ZNF106: variants seen among roughly 807,000 people sequenced by gnomAD.
ZNF106 encodes the protein SH3-domain binding protein 3.
In ZNF106, 67 loss-of-function variants were observed where a neutral mutation model predicts 195.1. The observed-to-expected ratio is 0.34, with a 90% CI of 0.28 to 0.42. The LOEUF (loss-of-function observed/expected upper bound fraction) is 0.42. Among genes scored for constraint, ZNF106 ranks in the 10% least tolerant of loss-of-function variants. The pLI is 1.00. For missense variants in ZNF106, 2,118 were observed against 2,304.5 expected (o/e 0.92, Z 1.66); for synonymous variants, 784 against 818.6 (o/e 0.96, Z 0.72).
intron 12 of ZNF106, 151 bp downstream of exon 12, chr15:42,438,461 A>T: frequency 1.5e-6 from 1 of 662,326 alleles, no homozygotes; most frequent in South Asian, 2.1e-5. Flanking sequence ...TAAGAATATC[A>T]GAACTGTTGA....
At position 42,451,324 on chromosome 15, in the gene ZNF106, T is replaced by A; in HGVS notation, c.948A>T (p.Thr316=). The change falls in exon 5 of 22, where the codon ACA becomes ACT. Residue 316 remains threonine, a synonymous_variant. Coordinates refer to ENST00000564754, the MANE Select transcript of ZNF106 (RefSeq NM_001366845.3). ...QENDKLGTVA[T]YRGPSEGFTS... is the part of the protein sequence containing the mutation. ...TAAATCCTTCAGAAGGACCTCTATA[T>A]GTGGCAACTGTACCAAGTTTGTCAT... 6.2e-7 allele frequency: 1 copy of A among 1,614,072 alleles called. No homozygotes were observed. Among genetic ancestry groups the A allele is most frequent in the Non-Finnish European group, 8.5e-7 (1 of 1,179,926 alleles).
chr15:42,464,233 A>G (rs557411512), intron 3 of ZNF106, among the ~76,000 whole-genome samples: 4 of 147,434 alleles, frequency 2.7e-5, no homozygotes, highest in African/African-American at 9.7e-5. Flanking sequence ...CCAGCTACTC[A>G]GGAGGGTGAA....
Position 42,424,790 on chromosome 15 carries a change from T to C in ZNF106, c.5190+44A>G, listed in dbSNP as rs150755612. 4.4e-6 allele frequency: 7 copies of C among 1,582,514 alleles called. No individual in the cohort carries two copies. The East Asian group carries it at 1.6e-4, about 36-fold the overall frequency. On this transcript the variant is annotated intron_variant, in intron 16 of 21. Coordinates refer to ENST00000564754, the MANE Select transcript of ZNF106 (RefSeq NM_001366845.3). ...CCACCTCGCCTGGCCTCAAAACCCT[T>C]CTATTTGTGCCAGACAACTCCGATT...
rs2054766211 is a variant in ZNF106, at chr15:42,424,064, A to T, written c.5191-4T>A. The T allele has an allele frequency of 2.5e-6, 4 of 1,611,780 alleles. No homozygotes were observed. The highest frequency in any genetic ancestry group is 3.4e-6 in the Non-Finnish European group (4 of 1,179,358). On this transcript the variant is annotated splice_polypyrimidine_tract_variant and splice_region_variant and intron_variant, in intron 16 of 21. Transcript: ENST00000564754. The stretch of plus-strand genomic sequence containing the variant: ...TGAACACGAGATCATTCACCACCTT[A>T]AAGAAAAAATTAAACAAGTCAGATT...
chr15:42,469,863 A>AAAAAAAAAG, intron 2 of ZNF106, among the ~76,000 whole-genome samples: 1 of 151,540 alleles, frequency 6.6e-6, no homozygotes, highest in African/African-American at 2.4e-5. Context: ...AACAACAAAA[A>AAAAAAAAAG]AAAAAAAAGA....
At chr15:42,456,312 TGGA>T (rs1297047605) in intron 4 of ZNF106, among the ~76,000 whole-genome samples, 1 of 152,204 alleles carries the variant, frequency 6.6e-6, no homozygotes, top group East Asian at 1.9e-4. Flanking sequence ...ACCTTTCCAC[TGGA>T]AAATTTAAAC....
At chr15:42,487,343 C>A (rs2057039544) in intron 1 of ZNF106, among the ~76,000 whole-genome samples, 1 of 151,574 alleles carries the variant, frequency 6.6e-6, no homozygotes. Flanking sequence ...TATTAATTAG[C>A]TGGGCATGGT....
chr15:42,421,041 G>T lies in ZNF106; in HGVS notation c.5517+20C>A. The T allele has an allele frequency of 6.2e-7, 1 of 1,612,418 alleles. No individual in the cohort carries two copies. Among genetic ancestry groups the T allele is most frequent in the Non-Finnish European group, 8.5e-7 (1 of 1,178,510 alleles). On this transcript the variant is annotated intron_variant, in intron 20 of 21. Coordinates refer to ENST00000564754, the MANE Select transcript of ZNF106 (RefSeq NM_001366845.3). ...AGCAACCTATAGAAGTCCAGTGACA[G>T]GAAGAGTTTCACTCCTTACCCAACA...
At position 42,448,677 on chromosome 15, in the gene ZNF106, G is replaced by C; in HGVS notation, c.2530C>G (p.Gln844Glu). Residue 844 changes from glutamine (Q) to glutamate (E), a missense_variant, in exon 6 of 22, where the codon CAA (glutamine) becomes GAA (glutamate). Gln to Glu is a conservative substitution (Grantham distance 29, BLOSUM62 2). Transcript: ENST00000564754. ...RFGIEMVPLV[Q>E]NEQEALDLDG... The stretch of plus-strand genomic sequence containing the variant: ...AAATCTAAGGCTTCTTGTTCATTTT[G>C]AACAAGGGGTACCATTTCTATGCCA... The C allele has an allele frequency of 6.2e-7, 1 of 1,607,776 alleles. No individual in the cohort carries two copies. Among genetic ancestry groups the C allele is most frequent in the Non-Finnish European group, 8.5e-7 (1 of 1,178,988 alleles).
chr15:42,433,698 G>A (rs896939567), intron 14 of ZNF106, among the ~76,000 whole-genome samples: 4 of 151,674 alleles, frequency 2.6e-5, no homozygotes, highest in Non-Finnish European at 4.4e-5. Context: ...GGCCAGGCTG[G>A]TCTCACACTC....
At chr15:42,428,802 C>T (rs566047289) in intron 14 of ZNF106, among the ~76,000 whole-genome samples, 4 of 152,088 alleles carry the variant, frequency 2.6e-5, no homozygotes, top group Non-Finnish European at 4.4e-5. Context: ...CCTGCTCTGT[C>T]GCCCAGGCTG....
At chr15:42,422,035 G>A (rs778768458) in intron 18 of ZNF106, 47 bp from the exon 19 acceptor site, 32 of 1,516,532 alleles carry the variant, frequency 2.1e-5, no homozygotes, top group East Asian at 1.4e-4. Context: ...TATACCTTGC[G>A]TTTAATAAGT....
chr15:42,437,605 A>T (rs1304065993), intron 12 of ZNF106, among the ~76,000 whole-genome samples: 1 of 152,088 alleles, frequency 6.6e-6, no homozygotes, highest in East Asian at 1.9e-4. Flanking sequence ...AAAGATAGAT[A>T]ATTATATAAT....
intron 12 of ZNF106, 39 bp downstream of exon 12, chr15:42,438,573 A>G (rs1377711302): frequency 1.9e-6 from 3 of 1,561,568 alleles, no homozygotes; most frequent in Non-Finnish European, 2.6e-6. Flanking sequence ...AAGGCTTTTA[A>G]TTCTGTGGTT....
intron 1 of ZNF106, among the ~76,000 whole-genome samples, chr15:42,482,449 T>C (rs2141453933): frequency 6.6e-6 from 1 of 152,178 alleles, no homozygotes; most frequent in East Asian, 1.9e-4. Flanking sequence ...TTTTTTTACT[T>C]TTGTTTTCAT....
rs770560903 is a variant in ZNF106 at position 42,448,574 on chromosome 15, G to C, written c.2633C>G (p.Ala878Gly). 1.9e-6 allele frequency: 3 copies of C among 1,614,124 alleles called. No homozygotes were observed. The South Asian group carries it at 3.3e-5, about 18-fold the overall frequency. ...GCTCTCAGAAAGGCTTCGCTTTCTT[G>C]CCAAGCCAGGGGACGAGGAAATGGA... ...GVSISSSPGL[A>G]RKRSLSESSV... Residue 878 changes from alanine (A) to glycine (G), a missense_variant, in exon 6 of 22, where the codon GCA becomes GGA. Transcript: ENST00000564754.
chr15:42,463,164 G>T (rs1237077443), intron 3 of ZNF106, among the ~76,000 whole-genome samples: 1 of 152,034 alleles, frequency 6.6e-6, no homozygotes, highest in Non-Finnish European at 1.5e-5. Flanking sequence ...ATTAATCTTT[G>T]AATGCAATGG....
At chr15:42,490,633 C>A (rs2057135645) in intron 1 of ZNF106, among the ~76,000 whole-genome samples, 1 of 152,188 alleles carries the variant, frequency 6.6e-6, no homozygotes, top group Non-Finnish European at 1.5e-5. Flanking sequence ...TGGCCTGAGA[C>A]CTACGGGCTT....
At chr15:42,421,862 A>AT in intron 19 of ZNF106, 55 bp downstream of exon 19, 1 of 1,451,682 alleles carries the variant, frequency 6.9e-7, no homozygotes, top group Non-Finnish European at 9.3e-7. Flanking sequence ...AGTGACAAGA[A>AT]TTTTTTAGCA....
Sources: gnomAD v4.1 joint callset for allele counts (sites outside exome capture counted in the v4.1 genomes callset) on GRCh38, gnomAD v4.1.1 for gene constraint, MANE v1.5 for transcripts, NCBI Gene and HGNC (gene_info 2026-07-23, HGNC 2026-07-21) for gene names.